Variants in AOX1 observed in about 807,000 individuals in gnomAD.
The protein encoded by AOX1 is aldehyde oxidase 1.
Under a neutral mutation model 169.5 loss-of-function variants are expected in AOX1, and 153 were observed. That is an observed-to-expected ratio of 0.90 (90% CI 0.79 to 1.03). AOX1 has a LOEUF of 1.03. AOX1 is among the 50% of genes least tolerant of loss of function. The probability of loss-of-function intolerance (pLI) is 0.00; values close to 1 mark genes in which losing one functional copy is unlikely to be tolerated. For synonymous variants in AOX1, 562 were observed against 581.9 expected (o/e 0.97, Z 0.49); for missense variants, 1,656 against 1,663.9 (o/e 1.00, Z 0.08).
At chr2:200,603,152 C>G (rs2034449374) in intron 6 of AOX1, 115 bp from the exon 7 acceptor site, 12 of 803,604 alleles carry the variant, frequency 1.5e-5, no homozygotes, top group Non-Finnish European at 2.0e-5. Flanking sequence ...GGCTCTCTTT[C>G]ATGGCATCTA....
chr2:200,610,694 A>G (rs1447406834), intron 12 of AOX1, among the ~76,000 whole-genome samples: 1 of 152,164 alleles, frequency 6.6e-6, no homozygotes, highest in African/African-American at 2.4e-5. Flanking sequence ...TTGTTGGCTG[A>G]CTTGATCAGA....
chr2:200,671,891 C>T (rs985186109), downstream of AOX1, among the ~76,000 whole-genome samples: 1 of 151,924 alleles, frequency 6.6e-6, no homozygotes, highest in African/African-American at 2.4e-5. Context: ...TCATAGTATC[C>T]CAGAAGTGGA....
At chr2:200,589,902 G>A (rs535482076) in intron 1 of AOX1, among the ~76,000 whole-genome samples, 14 of 152,312 alleles carry the variant, frequency 9.2e-5, no homozygotes, top group African/African-American at 3.4e-4. Flanking sequence ...CAATGATTCA[G>A]AGAAAAGTGG....
intron 16 of AOX1, among the ~76,000 whole-genome samples, chr2:200,619,648 C>T (rs2034840506): frequency 6.6e-6 from 1 of 152,186 alleles, no homozygotes; most frequent in African/African-American, 2.4e-5. Context: ...TTAATGTCTG[C>T]TTTGATTAAT....
At position 200,612,656 on chromosome 2, in the gene AOX1, G is replaced by A. The variant is rs146899961; in HGVS notation, c.1311G>A (p.Ala437=). ...AFRQAQRQEN[A]LAIVNSGMRV... Reference sequence around the variant, plus strand: ...GACAAGCCCAGCGACAGGAGAATGCGCTAGCGATAGTCAATTCAGGAATGA... The same window carrying A: ...GACAAGCCCAGCGACAGGAGAATGCACTAGCGATAGTCAATTCAGGAATGA... Residue 437 remains alanine (A), a synonymous_variant, in exon 14 of 35, where the codon GCG becomes GCA. Coordinates refer to ENST00000374700, the MANE Select transcript of AOX1 (RefSeq NM_001159.4). The A allele has an allele frequency of 4.8e-5, 77 of 1,614,106 alleles. No homozygotes were observed. Among genetic ancestry groups the A allele is most frequent in the African/African-American group, 6.7e-5 (5 of 75,042 alleles).
At chr2:200,603,449 C>G (rs964215185) in intron 7 of AOX1, 93 bp downstream of exon 7, 4 of 955,508 alleles carry the variant, frequency 4.2e-6, no homozygotes, top group Non-Finnish European at 6.5e-6. Flanking sequence ...CCCAAGTTGA[C>G]TAACTTGAGG....
intron 27 of AOX1, 117 bp downstream of exon 27, chr2:200,657,054 T>G: frequency 1.6e-6 from 1 of 627,044 alleles, no homozygotes. Flanking sequence ...CTGGGTGAGG[T>G]GGCTCATGCC....
Position 200,651,193 on chromosome 2 carries a change from G to A in AOX1, c.3067G>A (p.Ala1023Thr), listed in dbSNP as rs2035574847. The change falls in exon 26 of 35, where the codon GCT becomes ACT. Residue 1023 changes from alanine (A) to threonine (T), a missense_variant. Transcript: ENST00000374700. ...KFPVGLGSRA[A>T]GQAAALVHIY... ...TCCTGTTGGCCTTGGCTCACGTGCTGCTGGTCAGGTGAGTTCTCCAAATGC... is the reference window on the plus strand; with the variant it reads ...TCCTGTTGGCCTTGGCTCACGTGCTACTGGTCAGGTGAGTTCTCCAAATGC... 21 of 1,614,046 alleles carry A rather than the reference G, an allele frequency of 1.3e-5. No homozygotes were observed. Among genetic ancestry groups the A allele is most frequent in the Non-Finnish European group, 1.8e-5 (21 of 1,179,904 alleles).
chr2:200,670,726 G>T lies in AOX1; in HGVS notation c.*47G>T. ...AAAACAGAGTGCCTCTTCCCAGATGGCAATCTGTCCTATCTCTGTGCTGGA... is the reference window on the plus strand; with the variant it reads ...AAAACAGAGTGCCTCTTCCCAGATGTCAATCTGTCCTATCTCTGTGCTGGA... On this transcript the variant is annotated 3_prime_UTR_variant, in exon 35 of 35. Transcript: ENST00000374700. The T allele has an allele frequency of 6.8e-7, 1 of 1,473,504 alleles. No homozygotes were observed. Among genetic ancestry groups the T allele is most frequent in the South Asian group, 1.1e-5 (1 of 87,716 alleles). The allele number at this position is 1,473,504 out of a possible 1,614,324, so 91.3% of individuals were successfully genotyped here. A position where few individuals can be genotyped will look rare whatever the true frequency, so the allele number is the denominator to read the frequency against.
chr2:200,639,419 T>C (rs1307699523), intron 23 of AOX1, among the ~76,000 whole-genome samples: 2 of 152,210 alleles, frequency 1.3e-5, no homozygotes, highest in African/African-American at 4.8e-5. Flanking sequence ...AATGTCATCT[T>C]CCTGTGTGCC....
chr2:200,599,778 A>G, intron 5 of AOX1, 32 bp downstream of exon 5: 1 of 1,384,934 alleles, frequency 7.2e-7, no homozygotes, highest in South Asian at 1.8e-5. Context: ...TTATTTTTTA[A>G]TTTTTATTTA....
intron 31 of AOX1, among the ~76,000 whole-genome samples, chr2:200,664,964 A>G (rs1313423416): frequency 4.6e-5 from 7 of 152,234 alleles, no homozygotes; most frequent in Non-Finnish European, 5.9e-5. Flanking sequence ...GGCAACAGTC[A>G]TCTCAAGGCT....
intron 1 of AOX1, among the ~76,000 whole-genome samples, chr2:200,587,994 G>A (rs1309707353): frequency 6.6e-6 from 1 of 152,172 alleles, no homozygotes; most frequent in Admixed American, 6.5e-5. Flanking sequence ...GAAATAACAA[G>A]TCCTTGCGTG....
At chr2:200,653,625 G>A (rs1397142391) in intron 26 of AOX1, among the ~76,000 whole-genome samples, 1 of 152,236 alleles carries the variant, frequency 6.6e-6, no homozygotes, top group East Asian at 1.9e-4. Context: ...AGCAGAGGCA[G>A]TCCCTGCCCA....
intron 16 of AOX1, among the ~76,000 whole-genome samples, chr2:200,618,584 A>G (rs1192057293): frequency 2.0e-5 from 3 of 152,034 alleles, no homozygotes; most frequent in African/African-American, 7.2e-5. Flanking sequence ...AACACATGCC[A>G]CTCTGCCGTT....
intron 33 of AOX1, 96 bp from the exon 34 acceptor site, chr2:200,669,479 C>T (rs973140130): frequency 4.4e-5 from 58 of 1,327,834 alleles, no homozygotes; most frequent in African/African-American, 8.9e-5. Context: ...ATATGTAGTA[C>T]GTAATATTTT....
Position 200,611,378 on chromosome 2 carries a change from C to T in AOX1, c.1154-6C>T, listed in dbSNP as rs771939521. 37 of 1,598,112 alleles carry T rather than the reference C, an allele frequency of 2.3e-5. 2 individuals carry two copies. In the South Asian group the frequency reaches 3.9e-4, roughly 17 times the overall value. On this transcript the variant is annotated splice_polypyrimidine_tract_variant and splice_region_variant and intron_variant, in intron 12 of 34. Transcript: ENST00000374700. ...ATCCCAGGGAAAGTGTCATTTCTTT[C>T]CACAGAAGGAAAACGACAGATTCCT... is the stretch of plus-strand genomic sequence containing the variant.
At chr2:200,661,328 T>C (rs1037670643) in intron 29 of AOX1, among the ~76,000 whole-genome samples, 24 of 152,324 alleles carry the variant, frequency 1.6e-4, no homozygotes, top group African/African-American at 5.8e-4. Flanking sequence ...AAGTGGAACA[T>C]ATGTTGATGA....
chr2:200,672,354 G>C (rs1323750707), downstream of AOX1, among the ~76,000 whole-genome samples: 1 of 152,252 alleles, frequency 6.6e-6, no homozygotes, highest in African/African-American at 2.4e-5. Flanking sequence ...TTGAGAAGTT[G>C]TGAGAATCAA....
Sources: allele counts gnomAD v4.1 joint callset (sites outside exome capture counted in the v4.1 genomes callset), GRCh38; gene constraint gnomAD v4.1.1; transcripts MANE v1.5; gene names NCBI Gene and HGNC (gene_info 2026-07-23, HGNC 2026-07-21).